The following AGBL1 variants were observed in gnomAD, a reference collection of about 807,000 sequenced individuals.
AGBL1 encodes the protein cytosolic carboxypeptidase 4.
In AGBL1, 130 loss-of-function variants were observed where a neutral mutation model predicts 118.9. That is an observed-to-expected ratio of 1.09 (90% CI 0.95 to 1.26). AGBL1 has a LOEUF of 1.26. Ranked by LOEUF, AGBL1 falls within the 50% of genes most tolerant of loss-of-function variation. The probability of loss-of-function intolerance (pLI) is 0.00; values close to 1 mark genes in which losing one functional copy is unlikely to be tolerated. For synonymous variants in AGBL1, 555 were observed against 478.9 expected, an observed-to-expected ratio of 1.16 and a Z score of -2.08; for missense variants, 1,584 against 1,298.1, an observed-to-expected ratio of 1.22 and a Z score of -3.38.
chr15:86,823,986 A>G (rs180749725), intron 22 of AGBL1, among the ~76,000 whole-genome samples: 82 of 152,290 alleles, frequency 5.4e-4, no homozygotes, highest in African/African-American at 1.9e-3. Context: ...TAGTTATCAA[A>G]GGCTAAATGT....
chr15:86,647,937 G>A (rs1208616184), intron 21 of AGBL1, among the ~76,000 whole-genome samples: 3 of 152,288 alleles, frequency 2.0e-5, no homozygotes, highest in African/African-American at 7.2e-5. Flanking sequence ...GAGGGAGGAA[G>A]AGTCAGAGCC....
chr15:86,987,385 C>A (rs919485740), intron 23 of AGBL1, among the ~76,000 whole-genome samples: 1 of 152,088 alleles, frequency 6.6e-6, no homozygotes, highest in African/African-American at 2.4e-5. Context: ...CTAAAAACTT[C>A]TAAAAACCTT....
At chr15:86,634,854 G>T (rs76398683) in intron 21 of AGBL1, among the ~76,000 whole-genome samples, 2,764 of 152,014 alleles carry the variant, frequency 0.018, 87 homozygotes, top group African/African-American at 0.061. Context: ...TTATGTTGCC[G>T]CATTTGTTTT....
chr15:87,029,060 T>C, downstream of AGBL1: 1 of 508,460 alleles, frequency 2.0e-6, no homozygotes, highest in East Asian at 3.1e-5. Flanking sequence ...ATTTGGTTCA[T>C]AGTTCTCTGA....
chr15:86,178,560 C>A (rs1202943668), intron 5 of AGBL1, among the ~76,000 whole-genome samples: 2 of 152,140 alleles, frequency 1.3e-5, no homozygotes, highest in Admixed American at 1.3e-4. Flanking sequence ...CTATATAGCC[C>A]TATATTTGGT....
intron 17 of AGBL1, among the ~76,000 whole-genome samples, chr15:86,332,747 A>G (rs2080294172): frequency 6.6e-6 from 1 of 152,092 alleles, no homozygotes; most frequent in Non-Finnish European, 1.5e-5. Flanking sequence ...ACTGCAGAAT[A>G]TACATTATTC....
chr15:86,957,985 A>G (rs2080948502), intron 23 of AGBL1, among the ~76,000 whole-genome samples: 1 of 151,992 alleles, frequency 6.6e-6, no homozygotes, highest in Non-Finnish European at 1.5e-5. Context: ...AAGGATCACT[A>G]GTGGCCAGGA....
chr15:86,867,723 G>C (rs928101125), intron 22 of AGBL1, among the ~76,000 whole-genome samples: 1 of 152,110 alleles, frequency 6.6e-6, no homozygotes, highest in Non-Finnish European at 1.5e-5. Flanking sequence ...AAAATAAATA[G>C]ACATTTAAAA....
chr15:86,310,552 T>C (rs1218629613), intron 17 of AGBL1, among the ~76,000 whole-genome samples: 1 of 151,962 alleles, frequency 6.6e-6, no homozygotes, highest in Non-Finnish European at 1.5e-5. Context: ...GAATCTTAGT[T>C]CTCCAAGGGT....
At chr15:86,413,921 C>A (rs1425260527) in intron 18 of AGBL1, among the ~76,000 whole-genome samples, 1 of 151,856 alleles carries the variant, frequency 6.6e-6, no homozygotes, top group Non-Finnish European at 1.5e-5. Context: ...TGGAATCAAC[C>A]TAACTGTCCA....
intron 21 of AGBL1, among the ~76,000 whole-genome samples, chr15:86,639,526 T>C (rs1369700702): frequency 1.2e-4 from 18 of 152,200 alleles, no homozygotes; most frequent in Admixed American, 1.2e-3. Flanking sequence ...ATGCATCTTC[T>C]GTGCCACACC....
chr15:86,439,352 C>T (rs953197996), intron 18 of AGBL1, among the ~76,000 whole-genome samples: 2 of 152,172 alleles, frequency 1.3e-5, no homozygotes, highest in Admixed American at 6.5e-5. Flanking sequence ...TCCTTGATAT[C>T]CCACACTTAG....
intron 21 of AGBL1, among the ~76,000 whole-genome samples, chr15:86,580,491 A>T (rs1238912740): frequency 1.5e-5 from 2 of 136,100 alleles, no homozygotes; most frequent in Admixed American, 8.0e-5. Flanking sequence ...ATTTTTTTCT[A>T]GACTTTGTTA....
chr15:86,360,288 A>T, intron 17 of AGBL1, among the ~76,000 whole-genome samples: 1 of 148,142 alleles, frequency 6.8e-6, no homozygotes, highest in East Asian at 1.9e-4. Flanking sequence ...GTTTTTTGGC[A>T]TCTACTGATA....
intron 16 of AGBL1, among the ~76,000 whole-genome samples, chr15:86,288,963 T>A (rs2079500881): frequency 6.6e-6 from 1 of 152,148 alleles, no homozygotes; most frequent in South Asian, 2.1e-4. Context: ...ATGCACTTGA[T>A]CTTGAATATG....
rs530705823 is a variant in AGBL1, at chr15:86,316,442, C to T, written c.2374+21034C>T. 7.8e-4 allele frequency among the ~76,000 whole-genome samples: 119 copies of T among 152,270 alleles called. 3 individuals are homozygous for T. In the South Asian group the frequency reaches 0.024, roughly 31 times the overall value. On this transcript the variant is annotated intron_variant, in intron 17 of 22. Transcript: ENST00000614907. ...ACAAGCCATCAAACGCAGGAGTGAA[C>T]GGAGTGGGTTTGGAAGCCTGACGGC...
chr15:86,130,573 A>T (rs2076806663), intron 1 of AGBL1, among the ~76,000 whole-genome samples: 1 of 152,154 alleles, frequency 6.6e-6, no homozygotes, highest in Non-Finnish European at 1.5e-5. Flanking sequence ...ATTCTCTATC[A>T]TGTAATTTTT....
chr15:86,995,430 A>C (rs1269613310), intron 24 of AGBL1, among the ~76,000 whole-genome samples: 1 of 152,180 alleles, frequency 6.6e-6, no homozygotes, highest in African/African-American at 2.4e-5. Context: ...ACTAAGGTAC[A>C]TAGAAGTTAA....
chr15:86,770,126 C>T (rs531609192), intron 22 of AGBL1, among the ~76,000 whole-genome samples: 1 of 151,920 alleles, frequency 6.6e-6, no homozygotes, highest in South Asian at 2.1e-4. Flanking sequence ...TTCTTATTTC[C>T]TTTATAAATG....
Sources: allele counts gnomAD v4.1 joint callset (sites outside exome capture counted in the v4.1 genomes callset), GRCh38; gene constraint gnomAD v4.1.1; transcripts MANE v1.5; gene names NCBI Gene and HGNC (gene_info 2026-07-23, HGNC 2026-07-21).